The following MARCHF6 variants were observed in gnomAD, a reference collection of about 807,000 sequenced individuals.
The protein encoded by MARCHF6 is E3 ubiquitin-protein ligase MARCHF6.
MARCHF6 carries 31 observed loss-of-function variants against 133.7 expected under a neutral mutation model. The ratio of observed to expected loss-of-function variants is 0.23; its 90% CI spans 0.17 to 0.31. MARCHF6 has a LOEUF of 0.31. MARCHF6 is among the 10% of genes least tolerant of loss of function. MARCHF6 has a pLI of 1.00. For synonymous variants in MARCHF6, 395 were observed against 402.5 expected (o/e 0.98, Z 0.22); for missense variants, 723 against 1,121.6 (o/e 0.64, Z 5.08).
At chr5:10,423,475 C>T (rs771796083) in intron 22 of MARCHF6, among the ~76,000 whole-genome samples, 22 of 152,078 alleles carry the variant, frequency 1.4e-4, no homozygotes, top group Non-Finnish European at 2.5e-4. Context: ...CATTAATGAC[C>T]AGACTTTCTC....
At chr5:10,414,543 G>A (rs1266944459) in intron 20 of MARCHF6, 41 bp downstream of exon 20, 6 of 1,473,722 alleles carry the variant, frequency 4.1e-6, no homozygotes, top group Non-Finnish European at 4.7e-6. Flanking sequence ...GCATCATTAA[G>A]GTTATTTATT....
chr5:10,394,218 T>G, intron 8 of MARCHF6, 75 bp downstream of exon 8: 1 of 844,776 alleles, frequency 1.2e-6, no homozygotes, highest in South Asian at 2.1e-5. Context: ...TATTTAGATG[T>G]ATACACTAAT....
At chr5:10,354,059 G>C (rs1735279279) in intron 1 of MARCHF6, 142 bp downstream of exon 1, 3 of 793,392 alleles carry the variant, frequency 3.8e-6, no homozygotes, top group Non-Finnish European at 5.3e-6. Context: ...TGGGCCTCTG[G>C]GCCGGGGAGC....
chr5:10,377,973 G>A, intron 2 of MARCHF6, 79 bp downstream of exon 2: 1 of 751,516 alleles, frequency 1.3e-6, no homozygotes, highest in Non-Finnish European at 2.3e-6. Flanking sequence ...TCATTTCAAT[G>A]TACTTTCTCT....
intron 7 of MARCHF6, among the ~76,000 whole-genome samples, chr5:10,392,025 C>G (rs1266283786): frequency 6.7e-6 from 1 of 148,486 alleles, no homozygotes; most frequent in Non-Finnish European, 1.5e-5. Context: ...GTGGCGCTAT[C>G]TCGGCTCACT....
intron 24 of MARCHF6, among the ~76,000 whole-genome samples, chr5:10,426,979 G>A (rs139328713): frequency 1.5e-3 from 226 of 152,296 alleles, no homozygotes; most frequent in African/African-American, 5.2e-3. Context: ...ACTCCTCATA[G>A]CTCCTTAAAC....
At chr5:10,363,014 A>G (rs1346583984) in intron 1 of MARCHF6, among the ~76,000 whole-genome samples, 2 of 152,182 alleles carry the variant, frequency 1.3e-5, no homozygotes, top group African/African-American at 4.8e-5. Flanking sequence ...ACTTTGAGCT[A>G]TAGCTTGTAC....
chr5:10,364,607 A>T lies in MARCHF6; in HGVS notation c.19+10690A>T, dbSNP rs529722710. 3.3e-5 allele frequency among the ~76,000 whole-genome samples: 5 copies of T among 152,310 alleles called. No individual in the cohort carries two copies. The East Asian group carries it at 9.6e-4, about 29-fold the overall frequency. ...GAGTTGAGAAGGGGATACATGGATA[A>T]CTAGCTCATTACTGCTGAAATTGTT... On this transcript the variant is annotated intron_variant, in intron 1 of 25. Coordinates refer to ENST00000274140, the MANE Select transcript of MARCHF6 (RefSeq NM_005885.4).
chr5:10,430,671 A>C (rs924716409), intron 25 of MARCHF6, among the ~76,000 whole-genome samples: 16 of 152,156 alleles, frequency 1.1e-4, no homozygotes, highest in Non-Finnish European at 1.8e-4. Flanking sequence ...GTCTGACAGT[A>C]TATTAAACAG....
At chr5:10,358,822 A>C (rs1273263969) in intron 1 of MARCHF6, among the ~76,000 whole-genome samples, 1 of 152,256 alleles carries the variant, frequency 6.6e-6, no homozygotes, top group Admixed American at 6.5e-5. Flanking sequence ...CTATCATAAA[A>C]TATATACAAA....
At chr5:10,382,894 C>T (rs548349877) in intron 4 of MARCHF6, among the ~76,000 whole-genome samples, 1 of 152,240 alleles carries the variant, frequency 6.6e-6, no homozygotes, top group African/African-American at 2.4e-5. Flanking sequence ...GGAGGCTTAT[C>T]TTTCAGATAT....
chr5:10,420,784 C>T (rs1739784630), intron 22 of MARCHF6, among the ~76,000 whole-genome samples: 1 of 152,216 alleles, frequency 6.6e-6, no homozygotes, highest in Non-Finnish European at 1.5e-5. Flanking sequence ...CCTTTACTGG[C>T]TAACATGATT....
At chr5:10,432,285 G>A (rs138902500) in intron 25 of MARCHF6, among the ~76,000 whole-genome samples, 1 of 152,308 alleles carries the variant, frequency 6.6e-6, no homozygotes, top group East Asian at 1.9e-4. Flanking sequence ...ATGCTGCAGC[G>A]TGGGACTGTC....
At chr5:10,430,174 G>C in intron 25 of MARCHF6, 146 bp downstream of exon 25, 1 of 903,596 alleles carries the variant, frequency 1.1e-6, no homozygotes, top group Non-Finnish European at 1.6e-6. Context: ...GACAGATTGT[G>C]ACATGTGAAG....
intron 9 of MARCHF6, among the ~76,000 whole-genome samples, chr5:10,395,798 C>T (rs1445692674): frequency 6.6e-6 from 1 of 152,204 alleles, no homozygotes; most frequent in South Asian, 2.1e-4. Context: ...TGGCCTTCTC[C>T]TCAGGCTGGC....
chr5:10,426,746 A>G (rs1740109075), intron 24 of MARCHF6, among the ~76,000 whole-genome samples: 2 of 152,266 alleles, frequency 1.3e-5, no homozygotes, highest in African/African-American at 4.8e-5. Context: ...CTACCAGAAG[A>G]TAAAACTTGA....
Position 10,423,821 on chromosome 5 carries a change from A to G in MARCHF6, c.2370A>G (p.Glu790=), listed in dbSNP as rs756318265. ...AGTGGTGGTTGAAAACTGTAATTGA[A>G]CAGGTAAGCAAAATCAGTTTTCAGA... The part of the protein sequence containing the change: ...GPQWWLKTVI[E]QVYANGIRNI... The change falls in exon 23 of 26, where the codon GAA becomes GAG. Residue 790 remains glutamate (E), a synonymous_variant. Coordinates refer to ENST00000274140, the MANE Select transcript of MARCHF6 (RefSeq NM_005885.4). The G allele has an allele frequency of 1.2e-6, 2 of 1,608,878 alleles. No individual in the cohort carries two copies. The highest frequency in any genetic ancestry group is 2.2e-5 in the East Asian group (1 of 44,780).
rs773884067 is a variant in MARCHF6, at chr5:10,390,506, T to A, written c.576+6T>A. The A allele has an allele frequency of 5.0e-6, 8 of 1,610,142 alleles. No individual in the cohort carries two copies. In the South Asian group the frequency reaches 8.8e-5, roughly 18 times the overall value. On this transcript the variant is annotated splice_donor_region_variant and intron_variant, in intron 6 of 25. Coordinates refer to ENST00000274140, the MANE Select transcript of MARCHF6 (RefSeq NM_005885.4). ...CGGGGCATCACCAAAATGAGGTAACTCCCCTACCCCAAAATTGATTTTACT... is the reference window on the plus strand; with the variant it reads ...CGGGGCATCACCAAAATGAGGTAACACCCCTACCCCAAAATTGATTTTACT...
In MARCHF6 at chr5:10,394,789, A is replaced by G. The variant is rs1463414035; in HGVS notation, c.861+4A>G. 1.3e-6 allele frequency: 2 copies of G among 1,556,304 alleles called. No individual in the cohort carries two copies. The highest frequency in any genetic ancestry group is 1.8e-6 in the Non-Finnish European group (2 of 1,138,746). On this transcript the variant is annotated splice_donor_region_variant and intron_variant, in intron 9 of 25. Coordinates refer to ENST00000274140, the MANE Select transcript of MARCHF6 (RefSeq NM_005885.4). ...TGATGGATCACTAGTTTTTCTGGTA[A>G]GTAAAACTAATTTTTTTTTTTTTTT...
Sources: gnomAD v4.1 joint callset for allele counts (sites outside exome capture counted in the v4.1 genomes callset) on GRCh38, gnomAD v4.1.1 for gene constraint, MANE v1.5 for transcripts, NCBI Gene and HGNC (gene_info 2026-07-23, HGNC 2026-07-21) for gene names.